The following VPS13A variants were observed in gnomAD, a reference collection of about 807,000 sequenced individuals.
VPS13A encodes the protein intermembrane lipid transfer protein VPS13A.
A neutral mutation model predicts 390.9 loss-of-function variants in VPS13A; 264 were observed. The ratio of observed to expected loss-of-function variants is 0.68; its 90% CI spans 0.61 to 0.75. VPS13A has a LOEUF of 0.75. Ranked by LOEUF, VPS13A falls within the 30% of genes least tolerant of loss-of-function variation. The pLI is 0.00. For synonymous variants in VPS13A, 1,231 were observed against 1,227.1 expected (o/e 1.00, Z -0.07); for missense variants, 3,409 against 3,733.9 (o/e 0.91, Z 2.27).
Position 77,187,606 on chromosome 9 carries a change from CAT to C in VPS13A, c.100+9804_100+9805del, listed in dbSNP as rs1221897250. On this transcript the variant is annotated intron_variant, in intron 1 of 71. Transcript: ENST00000360280. ...TGAGTTGTAAGAGTTTACATACAAA[CAT>C]ACACACACACACACACACACACACA... Among the ~76,000 whole-genome samples, 420 of 121,068 alleles carry C rather than the reference CAT, an allele frequency of 3.5e-3. 1 individual carries two copies. The highest frequency in any genetic ancestry group is 0.01 in the South Asian group (39 of 3,824). 79.4% of individuals were successfully genotyped at this position (121,068 alleles called of 152,430 possible).
At chr9:77,259,975 A>G in intron 22 of VPS13A, 111 bp from the exon 23 acceptor site, 1 of 772,524 alleles carries the variant, frequency 1.3e-6, no homozygotes, top group Non-Finnish European at 2.1e-6. Context: ...AGAGATTTTT[A>G]GTGTTTAAAA....
At chr9:77,340,002 T>C (rs1441868579) in intron 48 of VPS13A, 91 bp downstream of exon 48, 1 of 1,491,514 alleles carries the variant, frequency 6.7e-7, no homozygotes, top group Non-Finnish European at 9.1e-7. Flanking sequence ...TTATGAAACT[T>C]GGATAGAAAT....
At chr9:77,376,255 A>G (rs776651106) in intron 67 of VPS13A, among the ~76,000 whole-genome samples, 1 of 152,166 alleles carries the variant, frequency 6.6e-6, no homozygotes, top group Non-Finnish European at 1.5e-5. Context: ...GTTACCAGGG[A>G]ACATGCGGGG....
intron 45 of VPS13A, among the ~76,000 whole-genome samples, chr9:77,330,440 T>G (rs1383808899): frequency 1.3e-5 from 2 of 152,166 alleles, no homozygotes; most frequent in Non-Finnish European, 2.9e-5. Context: ...TATTCTCAGC[T>G]TCCAACCAAC....
intron 33 of VPS13A, 75 bp downstream of exon 33, chr9:77,295,921 A>G (rs1489897984): frequency 2.8e-6 from 4 of 1,439,400 alleles, no homozygotes; most frequent in Non-Finnish European, 3.9e-6. Context: ...TGTCTTGAGT[A>G]GTCTGTTTAC....
At position 77,221,200 on chromosome 9, in the gene VPS13A, A is replaced by G. The variant is rs1564640978; in HGVS notation, c.1005A>G (p.Ile335Met). The change falls in exon 13 of 72, where the codon ATA becomes ATG. Residue 335 changes from isoleucine (I) to methionine (M), a missense_variant. Around this residue, in one of 5 missense-constraint regions of VPS13A, gnomAD observed 2,717 missense variants for 2,917.4 expected, o/e 0.93. Coordinates refer to ENST00000360280, the MANE Select transcript of VPS13A (RefSeq NM_033305.3). ...HHAREWWAYA[I>M]HGVLEVNVCP... ...TTTTAACTAGGTGGGCTTATGCTAT[A>G]CATGGCGTTCTTGAAGTAAATGTTT... is the stretch of plus-strand genomic sequence containing the variant. 1 of 1,613,438 alleles carries G rather than the reference A, an allele frequency of 6.2e-7. No individual in the cohort carries two copies. Among genetic ancestry groups the G allele is most frequent in the East Asian group, 2.2e-5 (1 of 44,838 alleles).
intron 7 of VPS13A, chr9:77,211,208 T>C (rs1182313197): frequency 6.5e-6 from 1 of 152,866 alleles, no homozygotes; most frequent in Non-Finnish European, 1.5e-5. Context: ...TAAATATTTT[T>C]ATAGGAATAA....
chr9:77,239,108 T>C (rs898543865), intron 19 of VPS13A, among the ~76,000 whole-genome samples: 1 of 152,126 alleles, frequency 6.6e-6, no homozygotes, highest in Non-Finnish European at 1.5e-5. Flanking sequence ...TAACAGTTAT[T>C]AAGAGAAATA....
chr9:77,412,392 T>A (rs891578964), intron 71 of VPS13A, among the ~76,000 whole-genome samples: 1 of 152,160 alleles, frequency 6.6e-6, no homozygotes, highest in Non-Finnish European at 1.5e-5. Context: ...AAAGCTTATC[T>A]ACCATGATCA....
chr9:77,274,466 G>T (rs938799760), intron 24 of VPS13A, among the ~76,000 whole-genome samples: 4 of 150,050 alleles, frequency 2.7e-5, no homozygotes, highest in African/African-American at 7.4e-5. Flanking sequence ...CCACTAATAA[G>T]TTAATTATCT....
Position 77,302,367 on chromosome 9 carries a change from C to CTTTTTT in VPS13A, c.3813-548_3813-547insTTTTTT, listed in dbSNP as rs750574896. Reference sequence around the variant, plus strand: ...TGTATCGAAAAATACATATTTTTCCCCTTTTTTTTTTTTTTTTTTTTTGGA... The same window carrying CTTTTTT: ...TGTATCGAAAAATACATATTTTTCCCTTTTTTCTTTTTTTTTTTTTTTTTTTTTGGA... On this transcript the variant is annotated intron_variant, in intron 33 of 71. Coordinates refer to ENST00000360280, the MANE Select transcript of VPS13A (RefSeq NM_033305.3). Among the ~76,000 whole-genome samples, 27 of 136,082 alleles carry CTTTTTT rather than the reference C, an allele frequency of 2.0e-4. 1 individual carries two copies. The highest frequency in any genetic ancestry group is 2.3e-4 in the South Asian group (1 of 4,262). The allele number at this position is 136,082 out of a possible 152,430, so 89.3% of individuals were successfully genotyped here.
chr9:77,246,495 T>C (rs573354910), intron 19 of VPS13A, among the ~76,000 whole-genome samples: 2 of 152,242 alleles, frequency 1.3e-5, no homozygotes, highest in East Asian at 3.9e-4. Context: ...TGAAAAAATG[T>C]GCCTTTTTGT....
intron 68 of VPS13A, chr9:77,385,031 T>C (rs910607046): frequency 1.5e-5 from 15 of 1,022,022 alleles, no homozygotes; most frequent in Middle Eastern, 9.7e-4. Flanking sequence ...GCAAAATGCC[T>C]TTTTTTAATG....
rs117345732 is a variant in VPS13A at position 77,184,798 on chromosome 9, A to G, written c.100+6994A>G. Among the ~76,000 whole-genome samples the G allele has an allele frequency of 7.8e-3, 1,191 of 152,176 alleles. 5 individuals are homozygous for G. Among genetic ancestry groups the G allele is most frequent in the South Asian group, 0.017 (83 of 4,814 alleles). ...TAAATCCCATTTGGTCATGACGTGT[A>G]TGTTTAGCACTCAGTATCTCCAGGG... On this transcript the variant is annotated intron_variant, in intron 1 of 71. Transcript: ENST00000360280.
intron 10 of VPS13A, among the ~76,000 whole-genome samples, chr9:77,216,238 A>G (rs367869412): frequency 9.9e-5 from 15 of 152,164 alleles, no homozygotes; most frequent in South Asian, 2.1e-4. Context: ...TCCCCAAATC[A>G]TTTTTCAGAG....
chr9:77,408,754 G>A (rs974588357), intron 71 of VPS13A, among the ~76,000 whole-genome samples: 7 of 152,282 alleles, frequency 4.6e-5, no homozygotes, highest in Middle Eastern at 3.4e-3. Flanking sequence ...GGGGAGGGGC[G>A]CCCGCCATTG....
chr9:77,363,686 T>C (rs1352609587), intron 59 of VPS13A, among the ~76,000 whole-genome samples: 1 of 152,216 alleles, frequency 6.6e-6, no homozygotes, highest in African/African-American at 2.4e-5. Context: ...TCCTGCAAAC[T>C]ATTAGGTCTA....
intron 20 of VPS13A, among the ~76,000 whole-genome samples, chr9:77,249,348 T>C (rs1825018132): frequency 6.6e-6 from 1 of 152,152 alleles, no homozygotes; most frequent in African/African-American, 2.4e-5. Context: ...TCAAGGGCAG[T>C]GTGGTATAAT....
chr9:77,194,353 A>T (rs1379009503), intron 1 of VPS13A, among the ~76,000 whole-genome samples: 3 of 139,124 alleles, frequency 2.2e-5, no homozygotes, highest in Non-Finnish European at 3.2e-5. Flanking sequence ...GCAACCAGGG[A>T]TGGGGGTTGG....
Sources: gnomAD v4.1 joint callset for allele counts (sites outside exome capture counted in the v4.1 genomes callset) on GRCh38, gnomAD v4.1.1 for gene constraint, gnomAD v4.1.1 regional missense constraint, MANE v1.5 for transcripts, NCBI Gene and HGNC (gene_info 2026-07-23, HGNC 2026-07-21) for gene names.